CNTNAP2: variants seen among roughly 807,000 people sequenced by gnomAD.
CNTNAP2 encodes contactin associated protein 2.
In CNTNAP2, 98 loss-of-function variants were observed where a neutral mutation model predicts 155.2. The ratio of observed to expected loss-of-function variants is 0.63; its 90% CI spans 0.54 to 0.75. CNTNAP2 has a LOEUF of 0.75. Ranked by LOEUF, CNTNAP2 falls within the 30% of genes least tolerant of loss-of-function variation. CNTNAP2 has a pLI of 0.00. For synonymous variants in CNTNAP2, 651 were observed against 631.2 expected (o/e 1.03, Z -0.47); for missense variants, 1,727 against 1,688.1 (o/e 1.02, Z -0.40).
intron 1 of CNTNAP2, among the ~76,000 whole-genome samples, chr7:146,530,505 T>C (rs1038210813): frequency 6.6e-6 from 1 of 152,074 alleles, no homozygotes; most frequent in African/African-American, 2.4e-5. Flanking sequence ...ATATCCGTAA[T>C]CTATAAGGGG....
At chr7:148,408,384 G>A (rs1799752665) in intron 22 of CNTNAP2, among the ~76,000 whole-genome samples, 1 of 152,148 alleles carries the variant, frequency 6.6e-6, no homozygotes, top group Non-Finnish European at 1.5e-5. Context: ...GGAGGAAAAA[G>A]GGCTCTACCT....
At chr7:146,720,448 A>G (rs925222069) in intron 1 of CNTNAP2, among the ~76,000 whole-genome samples, 1 of 152,170 alleles carries the variant, frequency 6.6e-6, no homozygotes, top group Admixed American at 6.6e-5. Flanking sequence ...AAGTGCCTAC[A>G]TACTCTGCTC....
At chr7:147,558,596 C>A (rs1054742375) in intron 11 of CNTNAP2, among the ~76,000 whole-genome samples, 1 of 152,148 alleles carries the variant, frequency 6.6e-6, no homozygotes, top group Non-Finnish European at 1.5e-5. Context: ...TTTCTGTAAG[C>A]GTTGATGAGG....
intron 13 of CNTNAP2, among the ~76,000 whole-genome samples, chr7:147,764,462 G>A (rs140913051): frequency 6.6e-6 from 1 of 152,082 alleles, no homozygotes; most frequent in South Asian, 2.1e-4. Context: ...GTTATCACCT[G>A]GATTCCCAGA....
At chr7:146,986,393 C>G (rs1798115211) in intron 3 of CNTNAP2, among the ~76,000 whole-genome samples, 1 of 152,062 alleles carries the variant, frequency 6.6e-6, no homozygotes, top group Non-Finnish European at 1.5e-5. Context: ...GTTTCTTTAT[C>G]CACTCATTGA....
At chr7:147,439,548 C>T (rs1331206540) in intron 10 of CNTNAP2, among the ~76,000 whole-genome samples, 2 of 151,960 alleles carry the variant, frequency 1.3e-5, no homozygotes. Context: ...AAAGAATGTA[C>T]ATTCTGTAGC....
chr7:148,299,175 A>G (rs1797336326), intron 21 of CNTNAP2, among the ~76,000 whole-genome samples: 1 of 151,998 alleles, frequency 6.6e-6, no homozygotes, highest in Non-Finnish European at 1.5e-5. Flanking sequence ...TATTTTTAGT[A>G]GAGACAGGGC....
intron 1 of CNTNAP2, among the ~76,000 whole-genome samples, chr7:146,229,695 T>C (rs2116911044): frequency 6.7e-6 from 1 of 149,500 alleles, no homozygotes; most frequent in Admixed American, 6.9e-5. Flanking sequence ...TCTGCTCCAG[T>C]TTATTTTTCA....
chr7:148,412,526 A>G (rs1414931366), intron 23 of CNTNAP2, among the ~76,000 whole-genome samples: 2 of 152,270 alleles, frequency 1.3e-5, no homozygotes, highest in Non-Finnish European at 2.9e-5. Context: ...ATATAAAAGT[A>G]TAATTGATCT....
At chr7:148,212,562 C>T (rs1214034589) in intron 18 of CNTNAP2, among the ~76,000 whole-genome samples, 1 of 152,086 alleles carries the variant, frequency 6.6e-6, no homozygotes, top group Non-Finnish European at 1.5e-5. Flanking sequence ...TTGTCTATTA[C>T]TAGTATCTAT....
chr7:146,312,919 A>G (rs1337320485), intron 1 of CNTNAP2, among the ~76,000 whole-genome samples: 2 of 152,176 alleles, frequency 1.3e-5, no homozygotes, highest in Non-Finnish European at 2.9e-5. Context: ...ATAGTATTCC[A>G]TAGTGTATAT....
rs140662073 is a variant in CNTNAP2 at position 146,834,822 on chromosome 7, A to G, written c.209-4889A>G. On this transcript the variant is annotated intron_variant, in intron 2 of 23. Transcript: ENST00000361727. ...ACTTTTTTGCCCTCTTATATACCAC[A>G]TTCCAGAGGTGGTTGTGATGAAAGA... Among the ~76,000 whole-genome samples, 297 of 152,276 alleles carry G rather than the reference A, an allele frequency of 2.0e-3. 1 individual carries two copies. Among genetic ancestry groups the G allele is most frequent in the African/African-American group, 6.6e-3 (275 of 41,562 alleles).
At chr7:146,630,348 G>A (rs1486474264) in intron 1 of CNTNAP2, among the ~76,000 whole-genome samples, 1 of 152,104 alleles carries the variant, frequency 6.6e-6, no homozygotes, top group African/African-American at 2.4e-5. Context: ...ATTCCATGGT[G>A]CATATGTGCC....
chr7:147,798,497 TGTAC>T (rs1200336051), intron 13 of CNTNAP2, among the ~76,000 whole-genome samples: 1 of 152,226 alleles, frequency 6.6e-6, no homozygotes, highest in African/African-American at 2.4e-5. Flanking sequence ...GTTTTTGTCC[TGTAC>T]GTAATGGCTT....
At chr7:146,808,375 A>G (rs1308213505) in intron 2 of CNTNAP2, among the ~76,000 whole-genome samples, 1 of 152,214 alleles carries the variant, frequency 6.6e-6, no homozygotes, top group East Asian at 1.9e-4. Flanking sequence ...TGTGTCCAGA[A>G]TATATTTCAA....
intron 3 of CNTNAP2, among the ~76,000 whole-genome samples, chr7:147,002,797 C>T (rs1308752130): frequency 2.0e-5 from 3 of 151,658 alleles, no homozygotes; most frequent in East Asian, 2.0e-4. Context: ...CATTAGGGCG[C>T]TAATCCTAAT....
rs1363928633 is a variant in CNTNAP2 at position 146,298,742 on chromosome 7, C to G, written c.97+181769C>G. Among the ~76,000 whole-genome samples the G allele has an allele frequency of 2.6e-5, 4 of 152,336 alleles. No homozygotes were observed. The Middle Eastern group carries it at 0.01, about 389-fold the overall frequency. On this transcript the variant is annotated intron_variant, in intron 1 of 23. Coordinates refer to ENST00000361727, the MANE Select transcript of CNTNAP2 (RefSeq NM_014141.6). ...CTGGAGAAAGTAGATTACAGTTCTG[C>G]TCTTGGACAGCTCTGGTCCAGCACT...
intron 1 of CNTNAP2, among the ~76,000 whole-genome samples, chr7:146,411,193 G>A (rs553891878): frequency 3.2e-4 from 45 of 141,766 alleles, no homozygotes; most frequent in Non-Finnish European, 5.1e-4. Flanking sequence ...GTCTTGCTCC[G>A]TTGCCCAGGC....
chr7:147,203,404 G>A (rs1048708416), intron 8 of CNTNAP2, among the ~76,000 whole-genome samples: 5 of 151,944 alleles, frequency 3.3e-5, no homozygotes, highest in South Asian at 2.1e-4. Context: ...GCTAATTTTC[G>A]TATTTTTAGT....
Sources: gnomAD v4.1 joint callset for allele counts (sites outside exome capture counted in the v4.1 genomes callset) on GRCh38, gnomAD v4.1.1 for gene constraint, MANE v1.5 for transcripts, NCBI Gene and HGNC (gene_info 2026-07-23, HGNC 2026-07-21) for gene names.